The following IQGAP2 variants were observed in gnomAD, a reference collection of about 807,000 sequenced individuals.
IQGAP2 encodes ras GTPase-activating-like protein IQGAP2.
In IQGAP2, 173 loss-of-function variants were observed where a neutral mutation model predicts 201.3. That is an observed-to-expected ratio of 0.86 (90% confidence interval 0.76 to 0.98). The LOEUF (loss-of-function observed/expected upper bound fraction) is 0.98, where lower values mean the gene tolerates loss of function less well. Ranked by LOEUF, IQGAP2 falls within the 50% of genes least tolerant of loss-of-function variation. IQGAP2 has a pLI of 0.00. For synonymous variants in IQGAP2, 675 were observed against 673.9 expected (o/e 1.00, Z -0.03); for missense variants, 1,687 against 1,864.8 (o/e 0.90, Z 1.76).
At chr5:76,573,910 T>C (rs1430295542) in intron 4 of IQGAP2, among the ~76,000 whole-genome samples, 1 of 151,906 alleles carries the variant, frequency 6.6e-6, no homozygotes, top group Admixed American at 6.6e-5. Flanking sequence ...CAGCTAATAC[T>C]CTTCTGAATT....
intron 13 of IQGAP2, chr5:76,617,814 C>T (rs1478366183): frequency 6.2e-7 from 1 of 1,613,788 alleles, no homozygotes. Context: ...CTTAACATAC[C>T]ACAACCATCT....
intron 24 of IQGAP2, 100 bp downstream of exon 24, chr5:76,672,083 A>T: frequency 1.2e-6 from 1 of 864,816 alleles, no homozygotes; most frequent in South Asian, 1.7e-5. Flanking sequence ...GAACTGTACA[A>T]AGTCAGTTAT....
At chr5:76,550,881 G>C (rs951521144) in intron 2 of IQGAP2, among the ~76,000 whole-genome samples, 1 of 152,184 alleles carries the variant, frequency 6.6e-6, no homozygotes, top group African/African-American at 2.4e-5. Context: ...CCTCCTAGAC[G>C]GGGTGGCGGC....
At chr5:76,604,017 T>C (rs113892177) in intron 11 of IQGAP2, among the ~76,000 whole-genome samples, 2 of 152,168 alleles carry the variant, frequency 1.3e-5, no homozygotes, top group Non-Finnish European at 2.9e-5. Flanking sequence ...CTGGGATACA[T>C]GTGCAGAACA....
chr5:76,562,333 C>A, intron 2 of IQGAP2, 63 bp from the exon 3 acceptor site: 5 of 1,195,402 alleles, frequency 4.2e-6, no homozygotes, highest in Non-Finnish European at 6.1e-6. Flanking sequence ...ATGCTGCATG[C>A]CTTCATTTGC....
At chr5:76,519,653 A>G (rs569770696) in intron 2 of IQGAP2, among the ~76,000 whole-genome samples, 9 of 152,354 alleles carry the variant, frequency 5.9e-5, no homozygotes, top group African/African-American at 2.2e-4. Flanking sequence ...TCGTGCCAGC[A>G]ATATATGTGA....
At chr5:76,617,886 G>T (rs1384714673) in intron 13 of IQGAP2, 1 of 1,614,034 alleles carries the variant, frequency 6.2e-7, no homozygotes, top group Admixed American at 1.7e-5. Flanking sequence ...AAGCACAAAT[G>T]GAATTAAGAA....
intron 2 of IQGAP2, among the ~76,000 whole-genome samples, chr5:76,469,372 G>A (rs569067460): frequency 4.6e-5 from 7 of 152,056 alleles, no homozygotes; most frequent in East Asian, 3.9e-4. Context: ...AAGTCTTTAC[G>A]TATAGATGTT....
chr5:76,599,425 C>T (rs866761418), intron 10 of IQGAP2, among the ~76,000 whole-genome samples: 1 of 152,166 alleles, frequency 6.6e-6, no homozygotes, highest in South Asian at 2.1e-4. Context: ...TGTGGCTGTC[C>T]AACCTCATTT....
intron 2 of IQGAP2, among the ~76,000 whole-genome samples, chr5:76,496,756 T>TCTTTCTTTCTTTC (rs1756974845): frequency 6.6e-5 from 5 of 75,920 alleles, no homozygotes; most frequent in East Asian, 6.6e-4. Context: ...TTTCTTTCTT[T>TCTTTCTTTCTTTC]CTTTCTTTCT....
chr5:76,426,781 TA>T (rs1752025717), intron 1 of IQGAP2, among the ~76,000 whole-genome samples: 1 of 152,020 alleles, frequency 6.6e-6, no homozygotes, highest in Non-Finnish European at 1.5e-5. Flanking sequence ...GCTGCATGGG[TA>T]ATGAGGAAGG....
At chr5:76,618,443 C>G in intron 13 of IQGAP2, 1 of 1,614,154 alleles carries the variant, frequency 6.2e-7, no homozygotes, top group Non-Finnish European at 8.5e-7. Flanking sequence ...AGGAGCTGGT[C>G]AGGTACCCCA....
At chr5:76,654,406 A>G in intron 19 of IQGAP2, 135 bp downstream of exon 19, 1 of 575,740 alleles carries the variant, frequency 1.7e-6, no homozygotes. Context: ...TTAGAACTTC[A>G]TATGATAATA....
intron 2 of IQGAP2, among the ~76,000 whole-genome samples, chr5:76,558,629 A>C (rs1167500764): frequency 6.6e-6 from 1 of 152,230 alleles, no homozygotes; most frequent in Non-Finnish European, 1.5e-5. Flanking sequence ...AATGATATGC[A>C]TGATATGTGA....
At position 76,539,708 on chromosome 5, in the gene IQGAP2, C is replaced by T. The variant is rs1303385865; in HGVS notation, c.147-22688C>T. On this transcript the variant is annotated intron_variant, in intron 2 of 35. Coordinates refer to ENST00000274364, the MANE Select transcript of IQGAP2 (RefSeq NM_006633.5). Reference sequence around the variant, plus strand: ...CTGTGGTCAGGTAGTAAGACTGGTCCTCTGACCTCCTGGGGAAGCCATAGG... The same window carrying T: ...CTGTGGTCAGGTAGTAAGACTGGTCTTCTGACCTCCTGGGGAAGCCATAGG... 3.3e-5 allele frequency among the ~76,000 whole-genome samples: 5 copies of T among 152,204 alleles called. No individual in the cohort carries two copies. In the South Asian group the frequency reaches 1.0e-3, roughly 32 times the overall value.
intron 17 of IQGAP2, among the ~76,000 whole-genome samples, chr5:76,643,326 T>C (rs1751743195): frequency 6.6e-6 from 1 of 152,192 alleles, no homozygotes; most frequent in South Asian, 2.1e-4. Flanking sequence ...CTGAACATAA[T>C]TGGAGCAGAC....
At chr5:76,703,404 G>T (rs1047855834) in intron 35 of IQGAP2, among the ~76,000 whole-genome samples, 4 of 151,984 alleles carry the variant, frequency 2.6e-5, no homozygotes, top group African/African-American at 9.7e-5. Flanking sequence ...GATCTGCCTG[G>T]CTTAGCCTCC....
intron 1 of IQGAP2, among the ~76,000 whole-genome samples, chr5:76,446,055 T>C (rs1233738845): frequency 6.6e-6 from 1 of 152,232 alleles, no homozygotes; most frequent in Non-Finnish European, 1.5e-5. Context: ...TTGCCTTGTA[T>C]GTATATACCA....
At chr5:76,538,676 T>C (rs1759763729) in intron 2 of IQGAP2, among the ~76,000 whole-genome samples, 1 of 152,228 alleles carries the variant, frequency 6.6e-6, no homozygotes, top group African/African-American at 2.4e-5. Context: ...TGCTTACCAC[T>C]GTGCCCTGTT....
Sources: allele counts gnomAD v4.1 joint callset (sites outside exome capture counted in the v4.1 genomes callset), GRCh38; gene constraint gnomAD v4.1.1; transcripts MANE v1.5; gene names NCBI Gene and HGNC (gene_info 2026-07-23, HGNC 2026-07-21).